Variants in LSAMP observed in about 807,000 individuals in gnomAD.
The protein encoded by LSAMP is limbic system associated membrane protein, also known as limbic system-associated membrane protein.
In LSAMP, 7 loss-of-function variants were observed where a neutral mutation model predicts 38.6. The observed-to-expected ratio is 0.18, with a 90% confidence interval of 0.10 to 0.34. The LOEUF (loss-of-function observed/expected upper bound fraction) is 0.34. Ranked by LOEUF, LSAMP falls within the 10% of genes least tolerant of loss-of-function variation. LSAMP has a pLI of 1.00. For synonymous variants in LSAMP, 154 were observed against 166.8 expected, an observed-to-expected ratio of 0.92 and a Z score of 0.59; for missense variants, 313 against 420.0, an observed-to-expected ratio of 0.75 and a Z score of 2.23.
chr3:116,436,767 G>T (rs2049355489), intron 1 of LSAMP, among the ~76,000 whole-genome samples: 2 of 152,084 alleles, frequency 1.3e-5, no homozygotes, highest in African/African-American at 4.8e-5. Flanking sequence ...GGAAAACAGT[G>T]TGGAGATTCC....
At chr3:116,143,443 T>A (rs1709418192) in intron 1 of LSAMP, among the ~76,000 whole-genome samples, 1 of 151,962 alleles carries the variant, frequency 6.6e-6, no homozygotes, top group Non-Finnish European at 1.5e-5. Context: ...TAATTGTACA[T>A]CTTAAAATAA....
intron 1 of LSAMP, chr3:116,368,232 G>A (rs2048382154): frequency 6.6e-6 from 1 of 152,174 alleles, no homozygotes; most frequent in African/African-American, 2.4e-5. Flanking sequence ...GCTCCCTACA[G>A]GTGAAAACTA....
intron 2 of LSAMP, among the ~76,000 whole-genome samples, chr3:116,031,172 A>G (rs775184453): frequency 3.3e-5 from 5 of 152,160 alleles, no homozygotes; most frequent in Non-Finnish European, 7.4e-5. Flanking sequence ...GTGAATAGAA[A>G]ATAGAAGTAT....
chr3:116,086,564 A>G lies in LSAMP; in HGVS notation c.156-8T>C. The G allele has an allele frequency of 6.2e-7, 1 of 1,610,074 alleles. No individual in the cohort carries two copies. The highest frequency in any genetic ancestry group is 2.2e-5 in the East Asian group (1 of 44,860). On this transcript the variant is annotated splice_polypyrimidine_tract_variant and splice_region_variant and intron_variant, in intron 1 of 6. Transcript: ENST00000490035. ...TTGTCTTCTACAACGCACCTGACAGAGCAGAGTAACAATATTAGTGCCTTA... is the reference window on the plus strand; with the variant it reads ...TTGTCTTCTACAACGCACCTGACAGGGCAGAGTAACAATATTAGTGCCTTA...
chr3:116,125,175 T>C (rs187319290), intron 1 of LSAMP, among the ~76,000 whole-genome samples: 1 of 152,300 alleles, frequency 6.6e-6, no homozygotes, highest in East Asian at 1.9e-4. Flanking sequence ...CAAATTCATT[T>C]TCATATCTAA....
intron 3 of LSAMP, among the ~76,000 whole-genome samples, chr3:115,854,232 T>C (rs1935421913): frequency 1.3e-5 from 2 of 149,784 alleles, no homozygotes; most frequent in South Asian, 4.2e-4. Flanking sequence ...TTAGAATTAG[T>C]CTATAGCATA....
chr3:115,826,869 G>GA (rs900565502), intron 6 of LSAMP, among the ~76,000 whole-genome samples: 3 of 148,536 alleles, frequency 2.0e-5, no homozygotes, highest in African/African-American at 4.9e-5. Flanking sequence ...TCTAAATACA[G>GA]AAAAAAAATC....
intron 3 of LSAMP, among the ~76,000 whole-genome samples, chr3:115,871,588 T>C (rs1188518449): frequency 7.5e-6 from 1 of 133,924 alleles, no homozygotes. Context: ...GTGTAGTGTG[T>C]GTGTGTGTGT....
In LSAMP at chr3:115,807,275, A is replaced by G. The variant is rs1427378972; in HGVS notation, c.*3042T>C. On this transcript the variant is annotated 3_prime_UTR_variant, in exon 7 of 7. Transcript: ENST00000490035. The stretch of plus-strand genomic sequence containing the variant: ...TTTTCCTCCATTGTTCACACTGCTT[A>G]GGGAACACTTTCAATCCTATGAAAT... The G allele has an allele frequency of 6.6e-6, 1 of 152,192 alleles. No individual in the cohort carries two copies. The highest frequency in any genetic ancestry group is 1.9e-4 in the East Asian group (1 of 5,202). 9.4% of individuals were successfully genotyped at this position (152,192 alleles called of 1,614,324 possible). A position where few individuals can be genotyped will look rare whatever the true frequency, so the allele number is the denominator to read the frequency against.
chr3:116,359,697 C>A (rs2048277473), intron 1 of LSAMP, among the ~76,000 whole-genome samples: 2 of 151,996 alleles, frequency 1.3e-5, no homozygotes, highest in African/African-American at 2.4e-5. Context: ...CTTTGACAAA[C>A]CTGTCAAAAC....
chr3:116,016,943 G>C (rs901523403), intron 3 of LSAMP, among the ~76,000 whole-genome samples: 9 of 152,120 alleles, frequency 5.9e-5, no homozygotes, highest in African/African-American at 2.2e-4. Context: ...GAATCCCTGT[G>C]AGTGTATCTA....
intron 3 of LSAMP, among the ~76,000 whole-genome samples, chr3:115,878,847 T>C (rs1936253903): frequency 1.3e-5 from 2 of 152,102 alleles, no homozygotes; most frequent in African/African-American, 2.4e-5. Flanking sequence ...TTAGAATTAC[T>C]TGGGAATGCT....
intron 3 of LSAMP, among the ~76,000 whole-genome samples, chr3:116,015,859 C>G (rs1940465589): frequency 6.6e-6 from 1 of 152,040 alleles, no homozygotes; most frequent in South Asian, 2.1e-4. Context: ...CATCAAATGA[C>G]AGATAATCAG....
intron 3 of LSAMP, among the ~76,000 whole-genome samples, chr3:115,867,225 G>A (rs944900382): frequency 6.6e-6 from 1 of 152,094 alleles, no homozygotes; most frequent in Non-Finnish European, 1.5e-5. Flanking sequence ...GGTAAGTTAT[G>A]AGCAGGAGGC....
chr3:115,850,961 ATCTC>A (rs111466687), intron 4 of LSAMP, among the ~76,000 whole-genome samples: 4 of 150,822 alleles, frequency 2.7e-5, no homozygotes, highest in African/African-American at 4.9e-5. Context: ...ACAAATATAA[ATCTC>A]TCTCTCTCTC....
chr3:115,811,896 G>A (rs987257532), intron 6 of LSAMP, among the ~76,000 whole-genome samples: 1 of 152,228 alleles, frequency 6.6e-6, no homozygotes, highest in Non-Finnish European at 1.5e-5. Context: ...GGCACAGGGA[G>A]ATTGGATGCA....
intron 1 of LSAMP, among the ~76,000 whole-genome samples, chr3:116,176,137 C>T (rs1366741543): frequency 6.6e-6 from 1 of 152,036 alleles, no homozygotes; most frequent in Non-Finnish European, 1.5e-5. Context: ...ATTATCCTCA[C>T]TCATAGAGCC....
chr3:116,369,600 C>T (rs2048403297), intron 1 of LSAMP, among the ~76,000 whole-genome samples: 1 of 152,036 alleles, frequency 6.6e-6, no homozygotes, highest in Admixed American at 6.6e-5. Context: ...AACGGAGAAA[C>T]AGGAAGTTAC....
chr3:116,325,736 C>T (rs563093737), intron 1 of LSAMP, among the ~76,000 whole-genome samples: 7 of 152,134 alleles, frequency 4.6e-5, no homozygotes. Context: ...TAAGTAACAT[C>T]ATTTGCCTCT....
Sources: allele counts gnomAD v4.1 joint callset (sites outside exome capture counted in the v4.1 genomes callset), GRCh38; gene constraint gnomAD v4.1.1; transcripts MANE v1.5; gene names NCBI Gene and HGNC (gene_info 2026-07-23, HGNC 2026-07-21).